Variants in STRBP observed in about 807,000 individuals in gnomAD.
STRBP encodes spermatid perinuclear RNA-binding protein.
STRBP carries 13 observed loss-of-function variants against 80.1 expected under a neutral mutation model. That is an observed-to-expected ratio of 0.16 (90% confidence interval 0.11 to 0.26). The LOEUF (loss-of-function observed/expected upper bound fraction) is 0.26. Among genes scored for constraint, STRBP ranks in the 10% least tolerant of loss-of-function variants. The probability of loss-of-function intolerance (pLI) is 1.00; values close to 1 mark genes in which losing one functional copy is unlikely to be tolerated. For missense variants in STRBP, 485 were observed against 815.2 expected (o/e 0.59, Z 4.93); for synonymous variants, 284 against 291.2 (o/e 0.98, Z 0.25).
chr9:123,190,695 T>C (rs752260805), intron 2 of STRBP, among the ~76,000 whole-genome samples: 1 of 152,254 alleles, frequency 6.6e-6, no homozygotes, highest in Non-Finnish European at 1.5e-5. Flanking sequence ...GCGACGGCTA[T>C]AATCTGAACC....
At chr9:123,120,007 A>T (rs1429150766), downstream of STRBP, among the ~76,000 whole-genome samples, 1 of 152,190 alleles carries the variant, frequency 6.6e-6, no homozygotes, top group Non-Finnish European at 1.5e-5. Context: ...GTGGGAAAGG[A>T]TATCTATTCT....
chr9:123,197,362 A>G (rs1024611421), intron 2 of STRBP, among the ~76,000 whole-genome samples: 3 of 152,158 alleles, frequency 2.0e-5, no homozygotes, highest in African/African-American at 7.2e-5. Context: ...TTTTTATTTC[A>G]ATTCCTTTTG....
Position 123,136,560 on chromosome 9 carries a change from AG to A in STRBP, c.1498-46del. 2 of 1,596,818 alleles carry A rather than the reference AG, an allele frequency of 1.3e-6. No homozygotes were observed. The highest frequency in any genetic ancestry group is 1.8e-4 in the Middle Eastern group (1 of 5,702). On this transcript the variant is annotated intron_variant, in intron 14 of 18. Transcript: ENST00000348403. This position sits in a 1 kb window ranked among gnomAD's most constrained non-coding sequence, Gnocchi z 4.2. Reference sequence around the variant, plus strand: ...TGAAGGTTCAATCAAGTAAGATTTTAGAATATTACATTTCTTATTAATACAA... The same window carrying A: ...TGAAGGTTCAATCAAGTAAGATTTTAAATATTACATTTCTTATTAATACAA...
rs553062864 is a variant in STRBP, at chr9:123,231,226, C to G, written c.-165+5604G>C. ...CTACAGACCTAACCTAATCCTTTCACCTGTTATTAGCAGCCTATACTCCTC... is the reference window on the plus strand; with the variant it reads ...CTACAGACCTAACCTAATCCTTTCAGCTGTTATTAGCAGCCTATACTCCTC... On this transcript the variant is annotated intron_variant, in intron 2 of 18. Transcript: ENST00000348403. Among the ~76,000 whole-genome samples, 10 of 152,230 alleles carry G rather than the reference C, an allele frequency of 6.6e-5. No homozygotes were observed. In the South Asian group the frequency reaches 1.9e-3, roughly 28 times the overall value.
chr9:123,217,201 T>C (rs559747429), intron 2 of STRBP, among the ~76,000 whole-genome samples: 3 of 152,316 alleles, frequency 2.0e-5, no homozygotes, highest in East Asian at 3.9e-4. Flanking sequence ...ACTGATACTA[T>C]CTTGTAAAAA....
chr9:123,180,124 C>G (rs1487682071), intron 3 of STRBP, among the ~76,000 whole-genome samples: 1 of 152,094 alleles, frequency 6.6e-6, no homozygotes, highest in Non-Finnish European at 1.5e-5. Context: ...GACGTGGTAG[C>G]AGGTGCCTAT....
chr9:123,185,392 C>A (rs2038654778), intron 2 of STRBP, among the ~76,000 whole-genome samples: 1 of 151,968 alleles, frequency 6.6e-6, no homozygotes, highest in Non-Finnish European at 1.5e-5. Context: ...CAGAGCGATA[C>A]CCTATCTCTT....
chr9:123,230,713 A>C (rs2040372686), intron 2 of STRBP, among the ~76,000 whole-genome samples: 1 of 152,210 alleles, frequency 6.6e-6, no homozygotes, highest in South Asian at 2.1e-4. Context: ...GCTATACACT[A>C]TTAATAATTA....
At chr9:123,130,443 C>T (rs533663416) in intron 17 of STRBP, among the ~76,000 whole-genome samples, 2 of 152,082 alleles carry the variant, frequency 1.3e-5, no homozygotes, top group Admixed American at 6.5e-5. Context: ...AGCCTGGCAA[C>T]GAGTGGCCAT....
chr9:123,128,372 G>A (rs1291855555), intron 17 of STRBP, 114 bp from the exon 18 acceptor site: 18 of 1,176,622 alleles, frequency 1.5e-5, no homozygotes, highest in Non-Finnish European at 2.3e-5. Flanking sequence ...TCTTCCAGAT[G>A]TTGGATGAAT....
At position 123,184,199 on chromosome 9, in the gene STRBP, G is replaced by T; in HGVS notation, c.-65C>A. On this transcript the variant is annotated 5_prime_UTR_variant, in exon 3 of 19. Transcript: ENST00000348403. ...CCCCTCTTTCTTGTCGTCTTCACTA[G>T]ACACTGTTTTGTGTAACAATACCTC... 2 of 1,548,346 alleles carry T rather than the reference G, an allele frequency of 1.3e-6. No individual in the cohort carries two copies. Among genetic ancestry groups the T allele is most frequent in the Non-Finnish European group, 1.8e-6 (2 of 1,130,142 alleles).
intron 2 of STRBP, among the ~76,000 whole-genome samples, chr9:123,192,275 G>C (rs2038951153): frequency 6.6e-6 from 1 of 152,160 alleles, no homozygotes; most frequent in East Asian, 1.9e-4. Flanking sequence ...GGTATGTGAA[G>C]CCACAAAATG....
chr9:123,267,850 C>T (rs1159115389), intron 1 of STRBP, among the ~76,000 whole-genome samples: 1 of 147,658 alleles, frequency 6.8e-6, no homozygotes, highest in Admixed American at 6.7e-5. Flanking sequence ...CCCCTCATTC[C>T]CTCTTGAACC....
chr9:123,210,115 T>G (rs919778091), intron 2 of STRBP, among the ~76,000 whole-genome samples: 2 of 152,224 alleles, frequency 1.3e-5, no homozygotes, highest in African/African-American at 4.8e-5. Context: ...TGTTCTTTCA[T>G]TTTCTTAAAC....
chr9:123,233,281 C>G (rs1300833979), intron 2 of STRBP, among the ~76,000 whole-genome samples: 3 of 152,146 alleles, frequency 2.0e-5, no homozygotes, highest in African/African-American at 7.2e-5. Context: ...CACTACGTTG[C>G]CCAGGCTAGT....
chr9:123,176,322 G>A (rs117404512), intron 4 of STRBP, among the ~76,000 whole-genome samples: 15 of 152,186 alleles, frequency 9.9e-5, no homozygotes, highest in Admixed American at 2.6e-4. Context: ...GCACATCATC[G>A]TCTCTCCCTG....
At chr9:123,109,874 T>C (rs1215194434) in intron 3 of STRBP, 4 of 152,220 alleles carry the variant, frequency 2.6e-5, no homozygotes, top group South Asian at 2.1e-4. Context: ...GCCAAGGATT[T>C]TGCACTGCAA....
At position 123,240,529 on chromosome 9, in the gene STRBP, T is replaced by C. The variant is rs906236379; in HGVS notation, c.-301-3563A>G. Among the ~76,000 whole-genome samples the C allele has an allele frequency of 4.6e-5, 7 of 152,254 alleles. No homozygotes were observed. In the South Asian group the frequency reaches 1.2e-3, roughly 27 times the overall value. ...TCCTCTTATCTTTCAACAGGATTGA[T>C]AGAATCAATGGATATCACAAAATTC... On this transcript the variant is annotated intron_variant, in intron 1 of 18. Coordinates refer to ENST00000348403, the MANE Select transcript of STRBP (RefSeq NM_018387.5).
Position 123,173,707 on chromosome 9 carries a change from T to C in STRBP, c.360A>G (p.Thr120=). The change falls in exon 5 of 19, where the codon ACA becomes ACG. Residue 120 remains threonine, a synonymous_variant. Transcript: ENST00000348403. ...TCTGAATAGGAAGATTATCTTTGAC[T>C]GTATTTAACAGGGTCTCTGTGGGTT... The part of the protein sequence containing the change: ...KDKPTETLLN[T]VKDNLPIQIQ... 1 of 1,613,266 alleles carries C rather than the reference T, an allele frequency of 6.2e-7. No individual in the cohort carries two copies. Among genetic ancestry groups the C allele is most frequent in the Non-Finnish European group, 8.5e-7 (1 of 1,179,732 alleles).
Sources: gnomAD v4.1 joint callset for allele counts (sites outside exome capture counted in the v4.1 genomes callset) on GRCh38, gnomAD v4.1.1 for gene constraint, Gnocchi (gnomAD v3.1) non-coding constraint, MANE v1.5 for transcripts, NCBI Gene and HGNC (gene_info 2026-07-23, HGNC 2026-07-21) for gene names.